The following ARHGAP28 variants were observed in gnomAD, a reference collection of about 807,000 sequenced individuals.
The protein encoded by ARHGAP28 is rho GTPase-activating protein 28.
A neutral mutation model predicts 90.7 loss-of-function variants in ARHGAP28; 56 were observed. The observed-to-expected ratio is 0.62, with a 90% CI of 0.50 to 0.77. ARHGAP28 has a LOEUF of 0.77. Ranked by LOEUF, ARHGAP28 falls within the 30% of genes least tolerant of loss-of-function variation. ARHGAP28 has a pLI of 0.00. For synonymous variants in ARHGAP28, 308 were observed against 323.3 expected, an observed-to-expected ratio of 0.95 and a Z score of 0.51; for missense variants, 869 against 900.9, an observed-to-expected ratio of 0.96 and a Z score of 0.45.
At chr18:6,735,836 T>G (rs916499375) in intron 1 of ARHGAP28, among the ~76,000 whole-genome samples, 2 of 152,190 alleles carry the variant, frequency 1.3e-5, no homozygotes, top group Non-Finnish European at 2.9e-5. Context: ...ATTACAGATG[T>G]GAGCCTTCAG....
chr18:6,836,697 C>T (rs2056756029), intron 2 of ARHGAP28, among the ~76,000 whole-genome samples: 1 of 152,064 alleles, frequency 6.6e-6, no homozygotes, highest in Admixed American at 6.5e-5. Context: ...AAAAGGGATG[C>T]CAAGACAACA....
At chr18:6,784,832 A>G (rs2056353800) in intron 1 of ARHGAP28, among the ~76,000 whole-genome samples, 1 of 152,196 alleles carries the variant, frequency 6.6e-6, no homozygotes, top group Non-Finnish European at 1.5e-5. Context: ...TATTGAGTAA[A>G]GATATCTGAT....
intron 3 of ARHGAP28, among the ~76,000 whole-genome samples, chr18:6,847,783 G>C (rs2056877978): frequency 1.3e-5 from 2 of 152,226 alleles, no homozygotes; most frequent in South Asian, 4.1e-4. Context: ...AGGTTCAGTG[G>C]TTTAGAAGGA....
intron 14 of ARHGAP28, among the ~76,000 whole-genome samples, chr18:6,892,409 C>T (rs1439406710): frequency 1.3e-5 from 2 of 152,180 alleles, no homozygotes; most frequent in Admixed American, 6.5e-5. Flanking sequence ...GCCTCTGCCT[C>T]CCAAAGTGCT....
At chr18:6,906,397 C>T (rs2057364904) in intron 16 of ARHGAP28, among the ~76,000 whole-genome samples, 1 of 152,150 alleles carries the variant, frequency 6.6e-6, no homozygotes, top group African/African-American at 2.4e-5. Flanking sequence ...ATCTTTTTCT[C>T]ATCCCACACT....
chr18:6,776,501 G>C (rs548597330), intron 1 of ARHGAP28, among the ~76,000 whole-genome samples: 1 of 152,178 alleles, frequency 6.6e-6, no homozygotes, highest in Non-Finnish European at 1.5e-5. Context: ...TGCTGCTGGC[G>C]GTAAGACTGC....
chr18:6,855,058 C>A (rs867456089), intron 4 of ARHGAP28, among the ~76,000 whole-genome samples: 1 of 152,216 alleles, frequency 6.6e-6, no homozygotes, highest in African/African-American at 2.4e-5. Context: ...GAGGGCAGCT[C>A]GGCACAGGCC....
chr18:6,871,588 T>C (rs969687497), intron 7 of ARHGAP28, among the ~76,000 whole-genome samples: 6 of 152,198 alleles, frequency 3.9e-5, no homozygotes, highest in Non-Finnish European at 7.3e-5. Context: ...GGAGGCCTAA[T>C]AGAGAACGAT....
intron 1 of ARHGAP28, among the ~76,000 whole-genome samples, chr18:6,765,931 TA>T (rs1266695887): frequency 2.0e-5 from 3 of 152,204 alleles, no homozygotes; most frequent in African/African-American, 7.2e-5. Context: ...TTCTGGGTAT[TA>T]AAAAAATCAA....
chr18:6,804,778 G>A (rs1439514286), intron 1 of ARHGAP28, among the ~76,000 whole-genome samples: 1 of 152,162 alleles, frequency 6.6e-6, no homozygotes, highest in East Asian at 1.9e-4. Context: ...ATATTTCAAT[G>A]ATTTGGATCC....
intron 1 of ARHGAP28, among the ~76,000 whole-genome samples, chr18:6,779,901 A>G (rs192141984): frequency 6.6e-4 from 101 of 152,360 alleles, no homozygotes; most frequent in African/African-American, 2.2e-3. Flanking sequence ...TCGAAATGTC[A>G]CTAACTTTGA....
At chr18:6,742,646 A>G (rs1012077939) in intron 1 of ARHGAP28, among the ~76,000 whole-genome samples, 4 of 152,174 alleles carry the variant, frequency 2.6e-5, no homozygotes, top group Non-Finnish European at 5.9e-5. Context: ...TTGGAAGCCT[A>G]GGAGGGAGAT....
chr18:6,838,586 G>C (rs1411719559), intron 3 of ARHGAP28, among the ~76,000 whole-genome samples: 1 of 152,154 alleles, frequency 6.6e-6, no homozygotes, highest in Non-Finnish European at 1.5e-5. Context: ...AGATACATAT[G>C]ACTACCAACA....
chr18:6,802,085 G>A (rs1567952378), intron 1 of ARHGAP28, among the ~76,000 whole-genome samples: 1 of 152,082 alleles, frequency 6.6e-6, no homozygotes, highest in East Asian at 1.9e-4. Context: ...CAAATGACCA[G>A]CTTTCTTTCT....
intron 1 of ARHGAP28, among the ~76,000 whole-genome samples, chr18:6,769,880 A>G (rs2056228746): frequency 6.6e-6 from 1 of 152,230 alleles, no homozygotes; most frequent in African/African-American, 2.4e-5. Flanking sequence ...AAGGGGGAGG[A>G]AATGTCTCCT....
chr18:6,873,360 A>G (rs2143549994), intron 7 of ARHGAP28, 49 bp from the exon 8 acceptor site: 1 of 1,537,776 alleles, frequency 6.5e-7, no homozygotes, highest in East Asian at 2.2e-5. Context: ...TGAACGCATA[A>G]TAATTTTCCT....
intron 4 of ARHGAP28, among the ~76,000 whole-genome samples, chr18:6,855,492 C>A (rs937737822): frequency 1.3e-5 from 2 of 152,198 alleles, no homozygotes; most frequent in Non-Finnish European, 2.9e-5. Flanking sequence ...AAGAGCTGTT[C>A]TGTCACTCAG....
In ARHGAP28 at chr18:6,847,628, G is replaced by GTGT. The variant is rs1555632056; in HGVS notation, c.544-3406_544-3405insTGT. The stretch of plus-strand genomic sequence containing the variant: ...GAAAGGATGAGAGAGAGAGAGAGTG[G>GTGT]GGGTGTGTGTGTGTGTGTGTGTGTA... On this transcript the variant is annotated intron_variant, in intron 3 of 17. Coordinates refer to ENST00000383472, the MANE Select transcript of ARHGAP28 (RefSeq NM_001366230.1). 7.6e-4 allele frequency among the ~76,000 whole-genome samples: 50 copies of GTGT among 65,680 alleles called. No individual in the cohort carries two copies. The East Asian group carries it at 8.0e-3, about 10-fold the overall frequency. The allele number at this position is 65,680 out of a possible 152,430, so 43.1% of individuals were successfully genotyped here.
In ARHGAP28 at chr18:6,914,468, AT is replaced by A. The variant is rs1778616715; in HGVS notation, c.*2315del. ...TTCATTAGAGAAGAATTTTTAGTAG[AT>A]ACACAGACTAATATTTGTGTGGAGG... is the stretch of plus-strand genomic sequence containing the variant. On this transcript the variant is annotated 3_prime_UTR_variant, in exon 18 of 18. Transcript: ENST00000383472. 1 of 152,200 alleles carries A rather than the reference AT, an allele frequency of 6.6e-6. No individual in the cohort carries two copies. The highest frequency in any genetic ancestry group is 1.5e-5 in the Non-Finnish European group (1 of 68,026). The allele number at this position is 152,200 out of a possible 1,614,324, so 9.4% of individuals were successfully genotyped here. A position where few individuals can be genotyped will look rare whatever the true frequency, so the allele number is the denominator to read the frequency against.
Sources: gnomAD v4.1 joint callset for allele counts (sites outside exome capture counted in the v4.1 genomes callset) on GRCh38, gnomAD v4.1.1 for gene constraint, MANE v1.5 for transcripts, NCBI Gene and HGNC (gene_info 2026-07-23, HGNC 2026-07-21) for gene names.